The following VSNL1 variants were observed in gnomAD, a reference collection of about 807,000 sequenced individuals.
VSNL1 encodes the protein visinin like 1.
Under a neutral mutation model 20.4 loss-of-function variants are expected in VSNL1, and 6 were observed. That is an observed-to-expected ratio of 0.29 (90% CI 0.16 to 0.58). VSNL1 has a LOEUF of 0.58. VSNL1 is among the 20% of genes least tolerant of loss of function. VSNL1 has a pLI of 0.90. For missense variants in VSNL1, 100 were observed against 234.5 expected (o/e 0.43, Z 3.75); for synonymous variants, 93 against 86.4 (o/e 1.08, Z -0.42).
intron 2 of VSNL1, among the ~76,000 whole-genome samples, chr2:17,603,841 T>C (rs1263674531): frequency 2.0e-5 from 3 of 152,210 alleles, no homozygotes; most frequent in Non-Finnish European, 4.4e-5. Context: ...TTTTTCCTCA[T>C]AAATGTCCCA....
At chr2:17,650,947 A>AT (rs1028958427) in intron 3 of VSNL1, among the ~76,000 whole-genome samples, 10 of 152,012 alleles carry the variant, frequency 6.6e-5, no homozygotes, top group Non-Finnish European at 1.2e-4. Flanking sequence ...TTGAATATAT[A>AT]TTTTTTCCAG....
At chr2:17,652,316 G>T (rs2103433149) in intron 3 of VSNL1, among the ~76,000 whole-genome samples, 1 of 152,300 alleles carries the variant, frequency 6.6e-6, no homozygotes, top group Admixed American at 6.5e-5. Context: ...AAGTAAAAAA[G>T]GAAAAGTGAG....
At chr2:17,540,555 A>C (rs1016199494), upstream of VSNL1, 1 of 152,720 alleles carries the variant, frequency 6.5e-6, no homozygotes, top group Admixed American at 6.5e-5. Context: ...GCTTTTGGTC[A>C]CAGGCTCCCG....
chr2:17,541,919 G>A (rs2103331554), intron 1 of VSNL1, among the ~76,000 whole-genome samples: 1 of 152,248 alleles, frequency 6.6e-6, no homozygotes, highest in East Asian at 1.9e-4. Context: ...CCTGATCAGT[G>A]CCCTGTGAGA....
At chr2:17,594,981 G>A (rs1414851005) in intron 2 of VSNL1, among the ~76,000 whole-genome samples, 1 of 152,178 alleles carries the variant, frequency 6.6e-6, no homozygotes, top group Non-Finnish European at 1.5e-5. Context: ...TCAAAGACAG[G>A]AATGCTGACT....
At chr2:17,625,698 C>A (rs529673188) in intron 2 of VSNL1, among the ~76,000 whole-genome samples, 1 of 152,282 alleles carries the variant, frequency 6.6e-6, no homozygotes, top group African/African-American at 2.4e-5. Context: ...TGTCAAGGAT[C>A]AGCACTTGGC....
chr2:17,543,608 C>A (rs900789449), intron 1 of VSNL1, among the ~76,000 whole-genome samples: 2 of 152,198 alleles, frequency 1.3e-5, no homozygotes, highest in African/African-American at 2.4e-5. Context: ...AGGGAAGGGA[C>A]AGAAAGACCG....
intron 1 of VSNL1, among the ~76,000 whole-genome samples, chr2:17,556,264 C>T (rs540375353): frequency 6.6e-6 from 1 of 152,296 alleles, no homozygotes; most frequent in South Asian, 2.1e-4. Context: ...TTATGAACCC[C>T]TGCTTTTACA....
intron 2 of VSNL1, among the ~76,000 whole-genome samples, chr2:17,648,664 AG>A (rs1666053230): frequency 6.6e-6 from 1 of 152,170 alleles, no homozygotes; most frequent in Middle Eastern, 3.2e-3. Flanking sequence ...CTTATGTCCA[AG>A]GGGACTGAGG....
chr2:17,645,874 G>A (rs1006330326), intron 2 of VSNL1, among the ~76,000 whole-genome samples: 1 of 152,128 alleles, frequency 6.6e-6, no homozygotes, highest in Non-Finnish European at 1.5e-5. Flanking sequence ...GTAATCCCAA[G>A]AAGTCTCAGA....
intron 2 of VSNL1, among the ~76,000 whole-genome samples, chr2:17,611,894 G>C (rs1332597579): frequency 6.6e-6 from 1 of 152,212 alleles, no homozygotes; most frequent in African/African-American, 2.4e-5. Context: ...TAGTTTATCA[G>C]GAAAACCAAA....
chr2:17,655,495 ACACAC>A lies in VSNL1; in HGVS notation c.*102_*106del. The A allele has an allele frequency of 2.7e-6, 3 of 1,105,396 alleles. No individual in the cohort carries two copies. The highest frequency in any genetic ancestry group is 2.5e-5 in the East Asian group (1 of 39,676). The allele number at this position is 1,105,396 out of a possible 1,614,324, so 68.5% of individuals were successfully genotyped here. A position where few individuals can be genotyped will look rare whatever the true frequency, so the allele number is the denominator to read the frequency against. On this transcript the variant is annotated 3_prime_UTR_variant, in exon 4 of 4. Transcript: ENST00000295156. This position sits in a 1 kb window ranked among gnomAD's most constrained non-coding sequence, Gnocchi z 5.2. Reference sequence around the variant, plus strand: ...CACACACACACACACACACACACACACACACAAATATTGCTTGGACTACCTATAAA... The same window carrying A: ...CACACACACACACACACACACACACAAAATATTGCTTGGACTACCTATAAA...
intron 2 of VSNL1, among the ~76,000 whole-genome samples, chr2:17,648,586 G>A (rs1209765936): frequency 6.6e-6 from 1 of 152,220 alleles, no homozygotes; most frequent in Non-Finnish European, 1.5e-5. Flanking sequence ...GTTTTTGGTT[G>A]TATTTGGGGC....
chr2:17,622,508 A>G (rs1665386977), intron 2 of VSNL1, among the ~76,000 whole-genome samples: 1 of 105,908 alleles, frequency 9.4e-6, no homozygotes, highest in African/African-American at 3.0e-5. Context: ...AAAAAAAAAA[A>G]AGAAAGAAAG....
chr2:17,628,334 A>T (rs1037464875), intron 2 of VSNL1, among the ~76,000 whole-genome samples: 2 of 152,162 alleles, frequency 1.3e-5, no homozygotes, highest in African/African-American at 4.8e-5. Context: ...AAAACAAATA[A>T]TTTTTTCTGT....
At chr2:17,603,061 T>A (rs573660072) in intron 2 of VSNL1, among the ~76,000 whole-genome samples, 1 of 152,198 alleles carries the variant, frequency 6.6e-6, no homozygotes, top group Non-Finnish European at 1.5e-5. Flanking sequence ...AGTTTCTGTA[T>A]AAATAACTTC....
rs560204543 is a variant in VSNL1, at chr2:17,571,778, G to A, written c.-5-20292G>A. ...TTTTAAGAGCTACAAAGAATATAAA[G>A]CAAGGTAATTATATAGTCACTAGGA... On this transcript the variant is annotated intron_variant, in intron 1 of 3. Coordinates refer to ENST00000295156, the MANE Select transcript of VSNL1 (RefSeq NM_003385.5). Among the ~76,000 whole-genome samples the A allele has an allele frequency of 2.0e-4, 31 of 152,268 alleles. No individual in the cohort carries two copies. The South Asian group carries it at 5.8e-3, about 29-fold the overall frequency.
At chr2:17,633,390 G>C (rs1020593204) in intron 2 of VSNL1, among the ~76,000 whole-genome samples, 2 of 146,712 alleles carry the variant, frequency 1.4e-5, no homozygotes, top group Admixed American at 1.4e-4. Context: ...ATGGTGGTGA[G>C]TGCCTGTAAT....
chr2:17,559,379 T>C (rs900882615), intron 1 of VSNL1, among the ~76,000 whole-genome samples: 1 of 151,774 alleles, frequency 6.6e-6, no homozygotes, highest in Non-Finnish European at 1.5e-5. Flanking sequence ...GTTCAATTTG[T>C]TCTTTAAAAT....
Sources: allele counts gnomAD v4.1 joint callset (sites outside exome capture counted in the v4.1 genomes callset), GRCh38; gene constraint gnomAD v4.1.1; non-coding constraint Gnocchi (gnomAD v3.1); transcripts MANE v1.5; gene names NCBI Gene and HGNC (gene_info 2026-07-23, HGNC 2026-07-21).